Variants in ARMC3 observed in about 807,000 individuals in gnomAD.
The protein encoded by ARMC3 is armadillo repeat-containing protein 3.
In ARMC3, 74 loss-of-function variants were observed where a neutral mutation model predicts 90.3. The observed-to-expected ratio is 0.82, with a 90% CI of 0.68 to 0.99. ARMC3 has a LOEUF of 0.99. Ranked by LOEUF, ARMC3 falls within the 50% of genes least tolerant of loss-of-function variation. ARMC3 has a pLI of 0.00. For synonymous variants in ARMC3, 334 were observed against 361.8 expected (o/e 0.92, Z 0.87); for missense variants, 958 against 1,042.8 (o/e 0.92, Z 1.12).
chr10:23,012,871 A>C (rs1234493850), intron 16 of ARMC3, among the ~76,000 whole-genome samples: 1 of 148,854 alleles, frequency 6.7e-6, no homozygotes, highest in African/African-American at 2.5e-5. Context: ...ATGTGCCCCC[A>C]GAGGTGCTAG....
At chr10:22,948,680 C>T (rs1168425820) in intron 3 of ARMC3, among the ~76,000 whole-genome samples, 1 of 151,668 alleles carries the variant, frequency 6.6e-6, no homozygotes, top group African/African-American at 2.4e-5. Context: ...GGAAGTAAAC[C>T]CTATGATTGC....
chr10:23,033,231 GC>G (rs1237327302), intron 18 of ARMC3, among the ~76,000 whole-genome samples: 1 of 151,904 alleles, frequency 6.6e-6, no homozygotes, highest in Non-Finnish European at 1.5e-5. Flanking sequence ...ACACATACCT[GC>G]CTATATAGTC....
intron 2 of ARMC3, among the ~76,000 whole-genome samples, chr10:22,935,912 A>T (rs967976019): frequency 1.3e-5 from 2 of 152,156 alleles, no homozygotes; most frequent in Non-Finnish European, 2.9e-5. Context: ...CCTCCTGTTT[A>T]TCTATCTCTG....
rs1458601967 is a variant in ARMC3, at chr10:23,014,440, T to C, written c.2045+5509T>C. 4.6e-6 allele frequency: 5 copies of C among 1,087,428 alleles called. No individual in the cohort carries two copies. In the African/African-American group the frequency reaches 8.1e-5, roughly 18 times the overall value. The allele number at this position is 1,087,428 out of a possible 1,614,324, so 67.4% of individuals were successfully genotyped here. ...TTCTTGTCTTATGACTATTAAAACTTTGGACTCCTGGAAATAGAATAAAAT... is the reference window on the plus strand; with the variant it reads ...TTCTTGTCTTATGACTATTAAAACTCTGGACTCCTGGAAATAGAATAAAAT... On this transcript the variant is annotated intron_variant, in intron 16 of 18. Coordinates refer to ENST00000298032, the MANE Select transcript of ARMC3 (RefSeq NM_173081.5).
chr10:22,970,139 C>T (rs145926952), intron 8 of ARMC3, among the ~76,000 whole-genome samples: 1 of 152,234 alleles, frequency 6.6e-6, no homozygotes, highest in Admixed American at 6.5e-5. Context: ...CACAGGATCA[C>T]CCAGGAAGGC....
At chr10:22,960,053 C>T in intron 6 of ARMC3, 1 of 317,078 alleles carries the variant, frequency 3.2e-6, no homozygotes, top group South Asian at 2.7e-5. Context: ...AAGATGCTAC[C>T]TCACTGTGCT....
chr10:22,981,226 G>T (rs966847335), intron 8 of ARMC3, 114 bp from the exon 9 acceptor site: 25 of 940,476 alleles, frequency 2.7e-5, no homozygotes, highest in Non-Finnish European at 3.8e-5. Context: ...TTAGACTCTG[G>T]TACTAAAACT....
intron 18 of ARMC3, among the ~76,000 whole-genome samples, 191 bp from the exon 19 acceptor site, chr10:23,037,078 CA>C (rs1839150870): frequency 6.6e-6 from 1 of 152,280 alleles, no homozygotes; most frequent in Admixed American, 6.5e-5. Flanking sequence ...TTTGCATCTA[CA>C]GAATCTTGAG....
chr10:22,996,369 C>A (rs193124602), intron 10 of ARMC3, among the ~76,000 whole-genome samples: 20 of 152,194 alleles, frequency 1.3e-4, no homozygotes, highest in Admixed American at 6.5e-4. Context: ...TAAATGCTGA[C>A]CCTCGGGCTA....
At chr10:23,035,861 C>T (rs1429724003) in intron 18 of ARMC3, among the ~76,000 whole-genome samples, 1 of 152,190 alleles carries the variant, frequency 6.6e-6, no homozygotes, top group African/African-American at 2.4e-5. Context: ...GCCCTTCCAT[C>T]TGCACTGCTC....
intron 3 of ARMC3, among the ~76,000 whole-genome samples, chr10:22,952,259 T>A (rs996503879): frequency 2.6e-5 from 4 of 152,262 alleles, no homozygotes; most frequent in Middle Eastern, 3.4e-3. Context: ...GAAAAGCTGC[T>A]TTTTGAGATC....
intron 13 of ARMC3, 50 bp downstream of exon 13, chr10:23,003,464 C>A (rs757858194): frequency 7.1e-7 from 1 of 1,406,558 alleles, no homozygotes; most frequent in South Asian, 1.7e-5. Context: ...AATAATTTTT[C>A]TTTAATCCTG....
chr10:22,944,312 A>G (rs934741742), intron 2 of ARMC3, among the ~76,000 whole-genome samples: 29 of 152,088 alleles, frequency 1.9e-4, no homozygotes, highest in Admixed American at 1.6e-3. Flanking sequence ...TATATTTTCT[A>G]TTTGGTCAAG....
chr10:22,986,642 A>T (rs2096612548), intron 10 of ARMC3, among the ~76,000 whole-genome samples: 1 of 152,146 alleles, frequency 6.6e-6, no homozygotes, highest in Non-Finnish European at 1.5e-5. Context: ...ATGAAAACAA[A>T]GTCTATTTGA....
At chr10:22,956,858 A>G (rs1834964065) in intron 4 of ARMC3, among the ~76,000 whole-genome samples, 2 of 150,238 alleles carry the variant, frequency 1.3e-5, no homozygotes. Flanking sequence ...ATATGATGGT[A>G]TAATATTAGT....
At chr10:22,988,155 A>G (rs1275342827) in intron 10 of ARMC3, among the ~76,000 whole-genome samples, 1 of 152,260 alleles carries the variant, frequency 6.6e-6, no homozygotes, top group East Asian at 1.9e-4. Context: ...TCTTTTCGCT[A>G]ATATAGAAAT....
At chr10:23,031,944 G>A (rs564997938) in intron 17 of ARMC3, among the ~76,000 whole-genome samples, 3 of 151,872 alleles carry the variant, frequency 2.0e-5, no homozygotes, top group Admixed American at 6.6e-5. Flanking sequence ...TGCAGCAAGA[G>A]GAATTTCTTT....
chr10:22,994,344 G>C (rs955551334), intron 10 of ARMC3, among the ~76,000 whole-genome samples: 1 of 152,174 alleles, frequency 6.6e-6, no homozygotes, highest in Admixed American at 6.5e-5. Flanking sequence ...GGCTGGGGGT[G>C]CATGGGGCTG....
At chr10:22,945,735 T>C (rs1834500768) in intron 2 of ARMC3, among the ~76,000 whole-genome samples, 1 of 152,206 alleles carries the variant, frequency 6.6e-6, no homozygotes, top group Non-Finnish European at 1.5e-5. Context: ...ACATCTGTCA[T>C]GTGCCAGATG....
Sources: allele counts gnomAD v4.1 joint callset (sites outside exome capture counted in the v4.1 genomes callset), GRCh38; gene constraint gnomAD v4.1.1; transcripts MANE v1.5; gene names NCBI Gene and HGNC (gene_info 2026-07-23, HGNC 2026-07-21).